Variants in INTS10 observed in about 807,000 individuals in gnomAD.
INTS10 encodes chromosome 8 open reading frame 35.
In INTS10, 44 loss-of-function variants were observed where a neutral mutation model predicts 94.4. The observed-to-expected ratio is 0.47, with a 90% CI of 0.37 to 0.60. INTS10 has a LOEUF of 0.60. INTS10 is among the 20% of genes least tolerant of loss of function. INTS10 has a pLI of 0.00. For synonymous variants in INTS10, 341 were observed against 320.7 expected, an observed-to-expected ratio of 1.06 and a Z score of -0.68; for missense variants, 797 against 868.7, an observed-to-expected ratio of 0.92 and a Z score of 1.04.
chr8:19,832,951 T>C (rs1191243005), intron 11 of INTS10, among the ~76,000 whole-genome samples: 1 of 152,192 alleles, frequency 6.6e-6, no homozygotes. Context: ...AAAATCTTCA[T>C]CCTTATAAAG....
chr8:19,825,065 C>A, intron 8 of INTS10, 93 bp downstream of exon 8: 1 of 1,091,442 alleles, frequency 9.2e-7, no homozygotes, highest in South Asian at 1.3e-5. Flanking sequence ...TTGCTGGATC[C>A]GAATAACTGT....
At chr8:19,844,362 G>T in intron 15 of INTS10, 124 bp downstream of exon 15, 1 of 749,568 alleles carries the variant, frequency 1.3e-6, no homozygotes, top group Non-Finnish European at 2.1e-6. Context: ...GCGAAGAGAA[G>T]GAATGGGGAT....
intron 1 of INTS10, 59 bp downstream of exon 1, chr8:19,817,725 G>T: frequency 1.9e-6 from 3 of 1,550,576 alleles, no homozygotes; most frequent in Non-Finnish European, 2.6e-6. Flanking sequence ...CCCGTCGCCC[G>T]GGCTGCCCTG....
rs2069021664 is a variant in INTS10 at position 19,851,408 on chromosome 8, A to T, written c.1977-241A>T. Among the ~76,000 whole-genome samples, 1 of 152,200 alleles carries T rather than the reference A, an allele frequency of 6.6e-6. No homozygotes were observed. The highest frequency in any genetic ancestry group is 1.5e-5 in the Non-Finnish European group (1 of 68,034). Reference sequence around the variant, plus strand: ...AGGCAAAGCAGGTGGCATTTTACTGAACAATTAAATGTTTGAAGTAACCTT... The same window carrying T: ...AGGCAAAGCAGGTGGCATTTTACTGTACAATTAAATGTTTGAAGTAACCTT... On this transcript the variant is annotated intron_variant, in intron 16 of 16. Transcript: ENST00000397977. The surrounding 1 kb of genome is among the most constrained non-coding windows in gnomAD (Gnocchi z 5.0).
In INTS10 at chr8:19,850,040, T is replaced by C. The variant is rs2068895786; in HGVS notation, c.1977-1609T>C. ...CGGGAGGCTGAGGCACAAGAATTGCTTGAACCCAGGAGGCAGAGGTGGCAG... is the reference window on the plus strand; with the variant it reads ...CGGGAGGCTGAGGCACAAGAATTGCCTGAACCCAGGAGGCAGAGGTGGCAG... On this transcript the variant is annotated intron_variant, in intron 16 of 16. Transcript: ENST00000397977. Among the ~76,000 whole-genome samples the C allele has an allele frequency of 1.3e-5, 2 of 151,330 alleles. 1 individual carries two copies. The highest frequency in any genetic ancestry group is 4.2e-4 in the South Asian group (2 of 4,800).
chr8:19,851,698 C>A lies in INTS10; in HGVS notation c.2026C>A (p.Arg676Ser), dbSNP rs781132274. ...CACCAAAGGCGTGAAGGAGGACTTT[C>A]GCCTGGCCATGGAGCGCCAGGTCTC... ...GITKGVKEDF[R>S]LAMERQVSRC... Residue 676 changes from arginine to serine, a missense_variant, in exon 17 of 17, where the codon CGC (arginine) becomes AGC (serine). Arg to Ser is a moderately radical substitution (Grantham distance 110). Transcript: ENST00000397977. The surrounding 1 kb of genome is among the most constrained non-coding windows in gnomAD (Gnocchi z 5.0). The A allele has an allele frequency of 8.1e-6, 13 of 1,614,126 alleles. No homozygotes were observed. The highest frequency in any genetic ancestry group is 1.1e-5 in the Non-Finnish European group (13 of 1,180,000).
At position 19,837,049 on chromosome 8, in the gene INTS10, T is replaced by C; in HGVS notation, c.1531-3T>C. 6.3e-7 allele frequency: 1 copy of C among 1,598,512 alleles called. No homozygotes were observed. Among genetic ancestry groups the C allele is most frequent in the African/African-American group, 1.3e-5 (1 of 74,716 alleles). The stretch of plus-strand genomic sequence containing the variant: ...AGTTCCTTTTTGGTCTTTTCTGCTT[T>C]AGATGACATGTGAAAAAGTCCTTGA... On this transcript the variant is annotated splice_polypyrimidine_tract_variant and splice_region_variant and intron_variant, in intron 12 of 16. Coordinates refer to ENST00000397977, the MANE Select transcript of INTS10 (RefSeq NM_018142.4).
intron 16 of INTS10, among the ~76,000 whole-genome samples, chr8:19,847,232 A>G (rs1374901217): frequency 6.6e-6 from 1 of 152,232 alleles, no homozygotes; most frequent in Non-Finnish European, 1.5e-5. Flanking sequence ...TTTTAAAATA[A>G]AAGAACAGTG....
At chr8:19,835,761 G>C (rs138470017) in intron 12 of INTS10, among the ~76,000 whole-genome samples, 2 of 152,196 alleles carry the variant, frequency 1.3e-5, no homozygotes, top group Non-Finnish European at 2.9e-5. Flanking sequence ...GGGTTCTAGA[G>C]GTGCCAATAT....
At chr8:19,823,088 T>C (rs1326488066) in intron 5 of INTS10, among the ~76,000 whole-genome samples, 1 of 152,184 alleles carries the variant, frequency 6.6e-6, no homozygotes, top group East Asian at 1.9e-4. Context: ...AACTGGACCC[T>C]CACCCACAGC....
At chr8:19,819,293 T>G (rs1169324990) in intron 2 of INTS10, among the ~76,000 whole-genome samples, 1 of 152,266 alleles carries the variant, frequency 6.6e-6, no homozygotes, top group Non-Finnish European at 1.5e-5. Flanking sequence ...CTATTTTTTC[T>G]TTCAAATAGT....
intron 3 of INTS10, 78 bp downstream of exon 3, chr8:19,819,754 A>G: frequency 1.9e-6 from 2 of 1,046,982 alleles, no homozygotes; most frequent in Admixed American, 1.9e-5. Context: ...AAAAAGTCAC[A>G]CCTGGGGTAT....
Position 19,849,378 on chromosome 8 carries a change from C to T in INTS10, c.1977-2271C>T. The T allele has an allele frequency of 3.1e-6, 1 of 322,812 alleles. No homozygotes were observed. The highest frequency in any genetic ancestry group is 2.6e-5 in the South Asian group (1 of 39,188). The allele number at this position is 322,812 out of a possible 1,614,324, so 20.0% of individuals were successfully genotyped here. ...TAATTTGTTCCGCATTTTGGCAAAC[C>T]ATCTGGTTGTAATATTGTAACATTT... On this transcript the variant is annotated intron_variant, in intron 16 of 16. Transcript: ENST00000397977. The surrounding 1 kb of genome is among the most constrained non-coding windows in gnomAD (Gnocchi z 4.6).
In INTS10 at chr8:19,843,041, G is replaced by A. The variant is rs751503748; in HGVS notation, c.1719+114G>A. The stretch of plus-strand genomic sequence containing the variant: ...GTTATTTTAGTACTTTTGAGGGCAG[G>A]CCCAAACAGTTAGAAAAGCACATGG... On this transcript the variant is annotated intron_variant, in intron 14 of 16. Transcript: ENST00000397977. This position sits in a 1 kb window ranked among gnomAD's most constrained non-coding sequence, Gnocchi z 4.7. The A allele has an allele frequency of 6.7e-5, 49 of 730,226 alleles. No homozygotes were observed. The highest frequency in any genetic ancestry group is 9.9e-5 in the Non-Finnish European group (42 of 422,696). 45.2% of individuals were successfully genotyped at this position (730,226 alleles called of 1,614,324 possible). A position where few individuals can be genotyped will look rare whatever the true frequency, so the allele number is the denominator to read the frequency against.
In INTS10 at chr8:19,826,392, A is replaced by G. The variant is rs779731205; in HGVS notation, c.1007-34A>G. ...CCACCGCGCCTGGCCTCCTTGCTGC[A>G]CTGGTAAGTGTTGGTGTTTTTCCCC... On this transcript the variant is annotated intron_variant, in intron 8 of 16. Coordinates refer to ENST00000397977, the MANE Select transcript of INTS10 (RefSeq NM_018142.4). 10 of 1,582,996 alleles carry G rather than the reference A, an allele frequency of 6.3e-6. No homozygotes were observed. In the Admixed American group the frequency reaches 1.7e-4, roughly 27 times the overall value.
In INTS10 at chr8:19,846,291, G is replaced by A. The variant is rs1455274105; in HGVS notation, c.1976+494G>A. Among the ~76,000 whole-genome samples, 3 of 151,960 alleles carry A rather than the reference G, an allele frequency of 2.0e-5. No homozygotes were observed. Among genetic ancestry groups the A allele is most frequent in the African/African-American group, 4.8e-5 (2 of 41,370 alleles). On this transcript the variant is annotated intron_variant, in intron 16 of 16. Coordinates refer to ENST00000397977, the MANE Select transcript of INTS10 (RefSeq NM_018142.4). This position sits in a 1 kb window ranked among gnomAD's most constrained non-coding sequence, Gnocchi z 4.2. Reference sequence around the variant, plus strand: ...ACAAAAAAAAAAAAAAAATTATGTGGGCATGATAGTGGGCACCTGTAATCC... The same window carrying A: ...ACAAAAAAAAAAAAAAAATTATGTGAGCATGATAGTGGGCACCTGTAATCC...
At chr8:19,836,973 C>T (rs772355730) in intron 12 of INTS10, 79 bp from the exon 13 acceptor site, 304 of 887,824 alleles carry the variant, frequency 3.4e-4, no homozygotes, top group Non-Finnish European at 5.4e-4. Flanking sequence ...TGATTGTATG[C>T]TGCAAATATT....
intron 13 of INTS10, among the ~76,000 whole-genome samples, chr8:19,838,965 G>C (rs547532367): frequency 6.6e-6 from 1 of 152,032 alleles, no homozygotes. Flanking sequence ...CCAGCTACTC[G>C]GGAGGCTGAG....
At chr8:19,845,890 T>C (rs545295053) in intron 16 of INTS10, 93 bp downstream of exon 16, 1 of 816,882 alleles carries the variant, frequency 1.2e-6, no homozygotes, top group South Asian at 1.6e-5. Flanking sequence ...TATCAAAAAT[T>C]TAATACAAAG....
Sources: gnomAD v4.1 joint callset for allele counts (sites outside exome capture counted in the v4.1 genomes callset) on GRCh38, gnomAD v4.1.1 for gene constraint, Gnocchi (gnomAD v3.1) non-coding constraint, MANE v1.5 for transcripts, NCBI Gene and HGNC (gene_info 2026-07-23, HGNC 2026-07-21) for gene names.